Variants in TMPRSS11D observed in about 807,000 individuals in gnomAD.
TMPRSS11D encodes transmembrane protease serine 11D.
A neutral mutation model predicts 44.4 loss-of-function variants in TMPRSS11D; 32 were observed. The observed-to-expected ratio is 0.72, with a 90% CI of 0.54 to 0.97. TMPRSS11D has a LOEUF of 0.97. Among genes scored for constraint, TMPRSS11D ranks in the 50% least tolerant of loss-of-function variants. The pLI, the probability that TMPRSS11D is intolerant of heterozygous loss-of-function variation, is 0.00. For synonymous variants in TMPRSS11D, 179 were observed against 177.9 expected (o/e 1.01, Z -0.05); for missense variants, 446 against 502.6 (o/e 0.89, Z 1.08).
At chr4:67,875,011 AAAC>A (rs1719150850) in intron 1 of TMPRSS11D, among the ~76,000 whole-genome samples, 1 of 152,242 alleles carries the variant, frequency 6.6e-6, no homozygotes, top group Admixed American at 6.5e-5. Flanking sequence ...ATATTTTTAA[AAAC>A]AACATCTTGC....
intron 9 of TMPRSS11D, among the ~76,000 whole-genome samples, chr4:67,823,140 A>G (rs775049245): frequency 1.3e-5 from 2 of 152,158 alleles, no homozygotes; most frequent in Non-Finnish European, 2.9e-5. Context: ...CCCTTAGGAG[A>G]TATTTGTTGA....
chr4:67,825,343 A>C (rs1020657977), intron 9 of TMPRSS11D, among the ~76,000 whole-genome samples: 3 of 152,054 alleles, frequency 2.0e-5, no homozygotes, highest in African/African-American at 7.2e-5. Context: ...GAAATAGATG[A>C]GATTTCTTTG....
chr4:67,828,428 C>T lies in TMPRSS11D; in HGVS notation c.693-908G>A, dbSNP rs951156265. Among the ~76,000 whole-genome samples, 16 of 152,008 alleles carry T rather than the reference C, an allele frequency of 1.1e-4. 1 individual carries two copies. The highest frequency in any genetic ancestry group is 2.9e-4 in the African/African-American group (12 of 41,426). The stretch of plus-strand genomic sequence containing the variant: ...AAGAGATGTTGTTGAGGGTGAAGCC[C>T]GCAGCAACAGATCATCCACATCAGT... On this transcript the variant is annotated intron_variant, in intron 7 of 9. Transcript: ENST00000283916.
chr4:67,872,357 T>C (rs1396588364), intron 1 of TMPRSS11D, among the ~76,000 whole-genome samples: 1 of 152,146 alleles, frequency 6.6e-6, no homozygotes, highest in African/African-American at 2.4e-5. Flanking sequence ...CTAACCTTTA[T>C]TGGCACAAAA....
At chr4:67,870,800 C>T (rs1267091903) in intron 1 of TMPRSS11D, among the ~76,000 whole-genome samples, 11 of 120,864 alleles carry the variant, frequency 9.1e-5, no homozygotes, top group Admixed American at 8.1e-4. Flanking sequence ...GGTAATAGAG[C>T]GAGACCCTGT....
intron 1 of TMPRSS11D, among the ~76,000 whole-genome samples, chr4:67,867,459 C>T (rs1380965900): frequency 1.3e-5 from 2 of 151,898 alleles, no homozygotes; most frequent in East Asian, 3.9e-4. Flanking sequence ...GCAAATGCAA[C>T]AAAATAAAAA....
intron 3 of TMPRSS11D, among the ~76,000 whole-genome samples, chr4:67,844,704 G>A (rs1905984): frequency 0.49 from 74,593 of 151,898 alleles, 21,608 homozygotes; most frequent in South Asian, 0.7. Flanking sequence ...ACTTGAACCT[G>A]CAGGGCAGAG....
At chr4:67,855,238 G>A (rs1331791495) in intron 2 of TMPRSS11D, among the ~76,000 whole-genome samples, 1 of 112,136 alleles carries the variant, frequency 8.9e-6, no homozygotes, top group African/African-American at 3.5e-5. Context: ...CTGGGTGACA[G>A]AGCAAGACTG....
chr4:67,863,949 C>G (rs912814028), intron 1 of TMPRSS11D, among the ~76,000 whole-genome samples: 12 of 151,880 alleles, frequency 7.9e-5, no homozygotes, highest in African/African-American at 1.7e-4. Flanking sequence ...GAATCTTAGT[C>G]CCCCTGCGAC....
rs149124900 is a variant in TMPRSS11D at position 67,861,638 on chromosome 4, T to A, written c.9-1960A>T. 6.6e-5 allele frequency among the ~76,000 whole-genome samples: 10 copies of A among 152,234 alleles called. No homozygotes were observed. In the East Asian group the frequency reaches 1.9e-3, roughly 29 times the overall value. ...AGAAATCAAAAGGCTAGAGTCAATA[T>A]GTGCTTTAACTTGGATGAGCCTCCC... On this transcript the variant is annotated intron_variant, in intron 1 of 9. Transcript: ENST00000283916.
chr4:67,840,241 G>T (rs1195340569), intron 4 of TMPRSS11D, among the ~76,000 whole-genome samples: 2 of 152,042 alleles, frequency 1.3e-5, no homozygotes, highest in Admixed American at 1.3e-4. Flanking sequence ...GGCTGCGGAG[G>T]CCTCAGGAAA....
intron 1 of TMPRSS11D, among the ~76,000 whole-genome samples, chr4:67,861,525 G>A (rs371744411): frequency 6.6e-6 from 1 of 152,076 alleles, no homozygotes; most frequent in Non-Finnish European, 1.5e-5. Flanking sequence ...TTTGTTTCCA[G>A]AGATGAGCTG....
intron 1 of TMPRSS11D, among the ~76,000 whole-genome samples, chr4:67,865,530 A>G (rs535222030): frequency 1.3e-5 from 2 of 151,666 alleles, no homozygotes; most frequent in East Asian, 3.9e-4. Flanking sequence ...AGGATCAATG[A>G]AAGAAAAAGT....
chr4:67,859,956 C>A (rs778018683), intron 1 of TMPRSS11D, among the ~76,000 whole-genome samples: 7 of 151,986 alleles, frequency 4.6e-5, no homozygotes, highest in Non-Finnish European at 1.0e-4. Flanking sequence ...TTCCTTTCTG[C>A]CAATTGATAA....
At chr4:67,836,505 C>G (rs2874032) in intron 5 of TMPRSS11D, among the ~76,000 whole-genome samples, 6 of 152,108 alleles carry the variant, frequency 3.9e-5, no homozygotes, top group Admixed American at 3.9e-4. Context: ...TCAGTGGAGC[C>G]AAATCATACT....
At chr4:67,856,896 T>TA (rs1400665535) in intron 2 of TMPRSS11D, among the ~76,000 whole-genome samples, 1 of 152,110 alleles carries the variant, frequency 6.6e-6, no homozygotes, top group Admixed American at 6.6e-5. Flanking sequence ...TCAACATTGC[T>TA]AATCATCAGA....
rs185319985 is a variant in TMPRSS11D, at chr4:67,854,796, T to C, written c.131-610A>G. On this transcript the variant is annotated intron_variant, in intron 2 of 9. Transcript: ENST00000283916. ...AGTAAAATATCTCCTAATAAATAAA[T>C]GTCCAGGACCAATGGCTTTATTGCT... Among the ~76,000 whole-genome samples the C allele has an allele frequency of 5.4e-3, 825 of 152,328 alleles. 7 individuals carry two copies. The highest frequency in any genetic ancestry group is 0.019 in the African/African-American group (779 of 41,582).
At chr4:67,831,668 C>T (rs1440734) in intron 7 of TMPRSS11D, among the ~76,000 whole-genome samples, 117,636 of 151,910 alleles carry the variant, frequency 0.77, 46,828 homozygotes, top group Middle Eastern at 0.88. Flanking sequence ...TCAATGCGTG[C>T]CATTTCTGCT....
intron 3 of TMPRSS11D, among the ~76,000 whole-genome samples, chr4:67,848,626 T>C (rs1439557649): frequency 6.6e-6 from 1 of 152,224 alleles, no homozygotes. Flanking sequence ...TTAGAGGAAA[T>C]GCTTATTGAG....
Sources: allele counts gnomAD v4.1 joint callset (sites outside exome capture counted in the v4.1 genomes callset), GRCh38; gene constraint gnomAD v4.1.1; transcripts MANE v1.5; gene names NCBI Gene and HGNC (gene_info 2026-07-23, HGNC 2026-07-21).